TRPV4: variants seen among roughly 807,000 people sequenced by gnomAD.
The protein encoded by TRPV4 is transient receptor potential cation channel subfamily V member 4, also known as OSM9-like transient receptor potential channel 4.
Under a neutral mutation model 84.1 loss-of-function variants are expected in TRPV4, and 58 were observed. The observed-to-expected ratio is 0.69, with a 90% CI of 0.56 to 0.86. The LOEUF is 0.86. Among genes scored for constraint, TRPV4 ranks in the 40% least tolerant of loss-of-function variants. TRPV4 has a pLI of 0.00. For missense variants in TRPV4, 879 were observed against 1,181.1 expected (o/e 0.74, Z 3.75); for synonymous variants, 489 against 500.9 (o/e 0.98, Z 0.32).
At chr12:109,817,352 T>G (rs1370771403) in intron 1 of TRPV4, among the ~76,000 whole-genome samples, 3 of 152,048 alleles carry the variant, frequency 2.0e-5, no homozygotes, top group Admixed American at 2.0e-4. Context: ...TTCTATCCAC[T>G]GCACCCCTCA....
intron 12 of TRPV4, among the ~76,000 whole-genome samples, chr12:109,790,970 G>T (rs1245070346): frequency 6.6e-6 from 1 of 152,198 alleles, no homozygotes; most frequent in Non-Finnish European, 1.5e-5. Context: ...GTCCATACTA[G>T]CTAGACCAGT....
rs1342656617 is a variant in TRPV4, at chr12:109,798,426, A to C, written c.1152+188T>G. On this transcript the variant is annotated intron_variant, in intron 6 of 15. Coordinates refer to ENST00000261740, the MANE Select transcript of TRPV4 (RefSeq NM_021625.5). This position sits in a 1 kb window ranked among gnomAD's most constrained non-coding sequence, Gnocchi z 5.0. ...CATGAGGCGAGAGGCTCGGGGATGAAGCTAAGGAGCTTGGCTGGACACTAG... is the reference window on the plus strand; with the variant it reads ...CATGAGGCGAGAGGCTCGGGGATGACGCTAAGGAGCTTGGCTGGACACTAG... 6.6e-6 allele frequency among the ~76,000 whole-genome samples: 1 copy of C among 152,060 alleles called. No homozygotes were observed. Among genetic ancestry groups the C allele is most frequent in the East Asian group, 1.9e-4 (1 of 5,184 alleles).
intron 2 of TRPV4, among the ~76,000 whole-genome samples, chr12:109,809,029 TCCAC>T (rs1185448903): frequency 1.6e-5 from 2 of 125,756 alleles, no homozygotes; most frequent in South Asian, 3.1e-4. Flanking sequence ...CATCTACCCA[TCCAC>T]CCACCCATCC....
In TRPV4 at chr12:109,786,975, G is replaced by GGTTTA; in HGVS notation, c.2209-143_2209-139dup. 7.9e-7 allele frequency: 1 copy of GGTTTA among 1,260,690 alleles called. No homozygotes were observed. The highest frequency in any genetic ancestry group is 1.1e-6 in the Non-Finnish European group (1 of 899,286). The allele number at this position is 1,260,690 out of a possible 1,614,324, so 78.1% of individuals were successfully genotyped here. A position where few individuals can be genotyped will look rare whatever the true frequency, so the allele number is the denominator to read the frequency against. ...GACTCCTACTCCCCACTAGACACAG[G>GGTTTA]GTTTATAAACTCAAATACCCACAGG... On this transcript the variant is annotated intron_variant, in intron 13 of 15. Transcript: ENST00000261740. The surrounding 1 kb of genome is among the most constrained non-coding windows in gnomAD (Gnocchi z 4.5).
intron 1 of TRPV4, among the ~76,000 whole-genome samples, chr12:109,823,690 T>C (rs1236883202): frequency 2.0e-5 from 3 of 151,426 alleles, no homozygotes; most frequent in African/African-American, 7.3e-5. Context: ...CAGAGTCCTT[T>C]TTTGGGGTGA....
chr12:109,792,295 T>C lies in TRPV4; in HGVS notation c.1891+68A>G, dbSNP rs557822872. The C allele has an allele frequency of 2.0e-4, 159 of 782,444 alleles. 4 individuals carry two copies. The highest frequency in any genetic ancestry group is 1.9e-3 in the South Asian group (144 of 74,454). The allele number at this position is 782,444 out of a possible 1,614,324, so 48.5% of individuals were successfully genotyped here. Reference sequence around the variant, plus strand: ...TCAGCAAGGCTGCTATTGTCCCCTATACATCATGGCTACTGTTCCCGTCCT... The same window carrying C: ...TCAGCAAGGCTGCTATTGTCCCCTACACATCATGGCTACTGTTCCCGTCCT... On this transcript the variant is annotated intron_variant, in intron 12 of 15. Coordinates refer to ENST00000261740, the MANE Select transcript of TRPV4 (RefSeq NM_021625.5).
chr12:109,796,805 C>T lies in TRPV4; in HGVS notation c.1153-101G>A. Reference sequence around the variant, plus strand: ...CGCCTCCCCAGAAAACAGCTAAGCACCGGCTGCTGGAGGACCCTTTCCTCA... The same window carrying T: ...CGCCTCCCCAGAAAACAGCTAAGCATCGGCTGCTGGAGGACCCTTTCCTCA... On this transcript the variant is annotated intron_variant, in intron 6 of 15. Transcript: ENST00000261740. The surrounding 1 kb of genome is among the most constrained non-coding windows in gnomAD (Gnocchi z 4.2). 8.0e-7 allele frequency: 1 copy of T among 1,249,236 alleles called. No homozygotes were observed. Among genetic ancestry groups the T allele is most frequent in the Middle Eastern group, 2.7e-4 (1 of 3,642 alleles). The allele number at this position is 1,249,236 out of a possible 1,614,324, so 77.4% of individuals were successfully genotyped here. A position where few individuals can be genotyped will look rare whatever the true frequency, so the allele number is the denominator to read the frequency against.
rs897591408 is a variant in TRPV4, at chr12:109,793,334, C to A, written c.1658+193G>T. On this transcript the variant is annotated intron_variant, in intron 10 of 15. Transcript: ENST00000261740. The surrounding 1 kb of genome is among the most constrained non-coding windows in gnomAD (Gnocchi z 4.0). ...TCTATCCATGTTGTATATGATAACT[C>A]CCTAGCAATCAGAATTTTTCTTGAA... is the stretch of plus-strand genomic sequence containing the variant. 1.3e-5 allele frequency among the ~76,000 whole-genome samples: 2 copies of A among 152,216 alleles called. No individual in the cohort carries two copies. Among genetic ancestry groups the A allele is most frequent in the African/African-American group, 2.4e-5 (1 of 41,456 alleles).
At chr12:109,799,938 A>G (rs1345525307) in intron 5 of TRPV4, among the ~76,000 whole-genome samples, 4 of 150,454 alleles carry the variant, frequency 2.7e-5, no homozygotes, top group African/African-American at 9.8e-5. Flanking sequence ...TTATTTATTT[A>G]TTTATTTATT....
intron 2 of TRPV4, among the ~76,000 whole-genome samples, chr12:109,810,984 TC>T (rs535501475): frequency 6.6e-6 from 1 of 152,290 alleles, no homozygotes; most frequent in South Asian, 2.1e-4. Context: ...TACAGATTTT[TC>T]AGCACAGACA....
At chr12:109,817,382 A>G (rs1891903152) in intron 1 of TRPV4, among the ~76,000 whole-genome samples, 3 of 152,098 alleles carry the variant, frequency 2.0e-5, no homozygotes, top group African/African-American at 7.2e-5. Flanking sequence ...CTCAGGGGCT[A>G]ATGGAACCCC....
intron 2 of TRPV4, among the ~76,000 whole-genome samples, chr12:109,809,005 C>T (rs12819525): frequency 8.7e-4 from 125 of 144,276 alleles, no homozygotes; most frequent in Non-Finnish European, 1.6e-3. Flanking sequence ...CCATCCATCA[C>T]TCATCCATCC....
chr12:109,785,720 A>G (rs1303278689), intron 14 of TRPV4, among the ~76,000 whole-genome samples: 2 of 149,638 alleles, frequency 1.3e-5, no homozygotes, highest in African/African-American at 4.9e-5. Flanking sequence ...CACCCAGCCA[A>G]GATTTGAGCT....
At chr12:109,809,042 C>A (rs999817471) in intron 2 of TRPV4, among the ~76,000 whole-genome samples, 1 of 116,280 alleles carries the variant, frequency 8.6e-6, no homozygotes, top group Non-Finnish European at 1.9e-5. Context: ...ACCCACCCAT[C>A]CATCCATCCA....
At chr12:109,823,092 G>A (rs962213903) in intron 1 of TRPV4, among the ~76,000 whole-genome samples, 3 of 152,266 alleles carry the variant, frequency 2.0e-5, no homozygotes, top group East Asian at 1.9e-4. Context: ...TTGGCCAGGC[G>A]AAACCTACTG....
At chr12:109,829,417 A>T (rs1018107862) in intron 1 of TRPV4, among the ~76,000 whole-genome samples, 1 of 152,238 alleles carries the variant, frequency 6.6e-6, no homozygotes, top group African/African-American at 2.4e-5. Context: ...AAGTAAAAAA[A>T]GTTGACAGCT....
chr12:109,793,501 C>G lies in TRPV4; in HGVS notation c.1658+26G>C, dbSNP rs763977240. On this transcript the variant is annotated intron_variant, in intron 10 of 15. Transcript: ENST00000261740. This position sits in a 1 kb window ranked among gnomAD's most constrained non-coding sequence, Gnocchi z 4.0. ...CAAACCCACCTTCCTCACCCAGAAG[C>G]TGCCGGCCCAGGGACCTCTACTCAC... 15 of 1,605,036 alleles carry G rather than the reference C, an allele frequency of 9.3e-6. No homozygotes were observed. The African/African-American group carries it at 2.0e-4, about 21-fold the overall frequency.
intron 1 of TRPV4, among the ~76,000 whole-genome samples, chr12:109,820,104 G>C (rs1303523410): frequency 2.0e-5 from 3 of 152,180 alleles, no homozygotes; most frequent in Non-Finnish European, 2.9e-5. Context: ...CACTGTGCTA[G>C]ACTAGGGACA....
intron 5 of TRPV4, among the ~76,000 whole-genome samples, chr12:109,800,411 C>CCAAGA (rs3072604): frequency 6.6e-6 from 1 of 151,672 alleles, no homozygotes; most frequent in South Asian, 2.1e-4. Context: ...GTCCATGGTA[C>CCAAGA]TCCCCATGGC....
Sources: allele counts gnomAD v4.1 joint callset (sites outside exome capture counted in the v4.1 genomes callset), GRCh38; gene constraint gnomAD v4.1.1; non-coding constraint Gnocchi (gnomAD v3.1); transcripts MANE v1.5; gene names NCBI Gene and HGNC (gene_info 2026-07-23, HGNC 2026-07-21).